Variants in MAD1L1 observed in about 807,000 individuals in gnomAD.
The protein encoded by MAD1L1 is mitotic arrest deficient 1 like 1.
MAD1L1 carries 95 observed loss-of-function variants against 96.9 expected under a neutral mutation model. That is an observed-to-expected ratio of 0.98 (90% CI 0.83 to 1.16). The LOEUF (loss-of-function observed/expected upper bound fraction) is 1.16. Among genes scored for constraint, MAD1L1 ranks in the 50% most tolerant of loss-of-function variants. MAD1L1 has a pLI of 0.00. For missense variants in MAD1L1, 1,007 were observed against 954.4 expected, an observed-to-expected ratio of 1.06 and a Z score of -0.73; for synonymous variants, 473 against 396.6, an observed-to-expected ratio of 1.19 and a Z score of -2.29.
chr7:1,979,682 G>T (rs1420510870), intron 15 of MAD1L1, among the ~76,000 whole-genome samples: 1 of 152,216 alleles, frequency 6.6e-6, no homozygotes, highest in East Asian at 1.9e-4. Flanking sequence ...TGGGGTGAGG[G>T]TGGCCTAGGA....
At chr7:2,044,271 G>A (rs1036965089) in intron 12 of MAD1L1, among the ~76,000 whole-genome samples, 16 of 152,186 alleles carry the variant, frequency 1.1e-4, no homozygotes, top group Admixed American at 1.3e-4. Context: ...GACAATCTCC[G>A]CTCTCTCCAG....
intron 18 of MAD1L1, among the ~76,000 whole-genome samples, chr7:1,875,973 G>C (rs554469808): frequency 6.6e-6 from 1 of 152,212 alleles, no homozygotes; most frequent in Non-Finnish European, 1.5e-5. Flanking sequence ...TCCACAAGCC[G>C]GGAGGAGAGT....
intron 12 of MAD1L1, among the ~76,000 whole-genome samples, chr7:2,049,132 G>A (rs1784058170): frequency 6.6e-6 from 1 of 152,198 alleles, no homozygotes; most frequent in Non-Finnish European, 1.5e-5. Flanking sequence ...GGCTCCCCGT[G>A]CAGATGGGGT....
chr7:2,133,228 T>C (rs1472013662), intron 11 of MAD1L1, among the ~76,000 whole-genome samples: 1 of 151,520 alleles, frequency 6.6e-6, no homozygotes, highest in Non-Finnish European at 1.5e-5. Context: ...ATGCTGAGCA[T>C]CTCCTCATGT....
At chr7:1,840,911 C>T (rs1407816081) in intron 18 of MAD1L1, among the ~76,000 whole-genome samples, 3 of 152,362 alleles carry the variant, frequency 2.0e-5, no homozygotes, top group East Asian at 3.9e-4. Context: ...GTGCAGACGG[C>T]GAGAGGCCAC....
chr7:1,898,790 G>A (rs934294138), intron 17 of MAD1L1, among the ~76,000 whole-genome samples: 8 of 152,174 alleles, frequency 5.3e-5, no homozygotes, highest in Non-Finnish European at 1.0e-4. Flanking sequence ...GGGTTCGCTT[G>A]CCCCAACACT....
chr7:1,950,374 G>T (rs557382315), intron 16 of MAD1L1, among the ~76,000 whole-genome samples: 1 of 152,146 alleles, frequency 6.6e-6, no homozygotes, highest in African/African-American at 2.4e-5. Flanking sequence ...CTCGAGGCCC[G>T]CAAGCCCTCA....
chr7:1,824,213 C>T (rs1310328052), intron 18 of MAD1L1, among the ~76,000 whole-genome samples: 1 of 152,208 alleles, frequency 6.6e-6, no homozygotes, highest in Non-Finnish European at 1.5e-5. Flanking sequence ...GCCCCAACGC[C>T]TCCCCTCTTA....
chr7:1,895,985 G>C (rs1786842999), intron 18 of MAD1L1, among the ~76,000 whole-genome samples: 1 of 152,242 alleles, frequency 6.6e-6, no homozygotes, highest in African/African-American at 2.4e-5. Flanking sequence ...AGGATGCCTG[G>C]CAAGAGCTGC....
At chr7:1,827,623 G>T (rs1562431962) in intron 18 of MAD1L1, among the ~76,000 whole-genome samples, 2 of 116,160 alleles carry the variant, frequency 1.7e-5, no homozygotes, top group African/African-American at 6.6e-5. Context: ...CTCCCCTCCT[G>T]AGCCCCGCCC....
At chr7:1,888,792 T>A (rs904936430) in intron 18 of MAD1L1, among the ~76,000 whole-genome samples, 4 of 152,064 alleles carry the variant, frequency 2.6e-5, no homozygotes, top group South Asian at 2.1e-4. Context: ...TGTGTCAGCA[T>A]GCATGCATGT....
chr7:2,230,348 C>T, intron 2 of MAD1L1: 1 of 493,632 alleles, frequency 2.0e-6, no homozygotes, highest in Non-Finnish European at 3.7e-6. Context: ...AGGAAGCATG[C>T]CACCAAATCC....
intron 15 of MAD1L1, among the ~76,000 whole-genome samples, chr7:1,969,108 G>C (rs1390060432): frequency 6.6e-6 from 1 of 152,226 alleles, no homozygotes; most frequent in Non-Finnish European, 1.5e-5. Context: ...TGTTGGCCAG[G>C]TGTGGTGGCT....
At chr7:2,053,445 C>T (rs1784268776) in intron 12 of MAD1L1, among the ~76,000 whole-genome samples, 1 of 152,226 alleles carries the variant, frequency 6.6e-6, no homozygotes, top group African/African-American at 2.4e-5. Context: ...AGGAACTGTG[C>T]CAGCCGCCGG....
chr7:2,110,719 G>A (rs1263671925), intron 11 of MAD1L1, among the ~76,000 whole-genome samples: 4 of 152,130 alleles, frequency 2.6e-5, no homozygotes, highest in African/African-American at 7.2e-5. Flanking sequence ...GATCTGTGAC[G>A]GGCTTCACCA....
rs377011052 is a variant in MAD1L1, at chr7:2,069,177, G to A, written c.1218+17C>T. ...AGCTCCCTGCGACTCTGATCAAGAT[G>A]TAAGGGCATACATCACCTTGGTGAG... On this transcript the variant is annotated intron_variant, in intron 12 of 18. Transcript: ENST00000265854. The A allele has an allele frequency of 5.7e-6, 9 of 1,567,884 alleles. No individual in the cohort carries two copies. Among genetic ancestry groups the A allele is most frequent in the Non-Finnish European group, 7.8e-6 (9 of 1,157,638 alleles).
At chr7:1,958,078 C>T (rs556458370) in intron 15 of MAD1L1, among the ~76,000 whole-genome samples, 7 of 152,200 alleles carry the variant, frequency 4.6e-5, no homozygotes, top group Admixed American at 1.3e-4. Context: ...GATGTGATGG[C>T]GGAGTGCAGG....
chr7:1,832,641 G>GGT (rs2068751672), intron 18 of MAD1L1, among the ~76,000 whole-genome samples: 5 of 58,316 alleles, frequency 8.6e-5, no homozygotes, highest in African/African-American at 3.0e-4. Flanking sequence ...GGCGGGGGGG[G>GGT]GGGGGGTGGG....
At chr7:2,008,169 G>T (rs1027544871) in intron 13 of MAD1L1, among the ~76,000 whole-genome samples, 1 of 152,252 alleles carries the variant, frequency 6.6e-6, no homozygotes, top group African/African-American at 2.4e-5. Flanking sequence ...AATCCCCAGA[G>T]CTCGGGGAGA....
Sources: allele counts gnomAD v4.1 joint callset (sites outside exome capture counted in the v4.1 genomes callset), GRCh38; gene constraint gnomAD v4.1.1; transcripts MANE v1.5; gene names NCBI Gene and HGNC (gene_info 2026-07-23, HGNC 2026-07-21).